RFX2: variants seen among roughly 807,000 people sequenced by gnomAD.
The protein encoded by RFX2 is regulatory factor X2.
In RFX2, 20 loss-of-function variants were observed where a neutral mutation model predicts 87.8. That is an observed-to-expected ratio of 0.23 (90% CI 0.16 to 0.33). The LOEUF (loss-of-function observed/expected upper bound fraction) is 0.33, where lower values mean the gene tolerates loss of function less well. Ranked by LOEUF, RFX2 falls within the 10% of genes least tolerant of loss-of-function variation. The probability of loss-of-function intolerance (pLI) is 1.00; values close to 1 mark genes in which losing one functional copy is unlikely to be tolerated. For missense variants in RFX2, 767 were observed against 1,012.3 expected, an observed-to-expected ratio of 0.76 and a Z score of 3.29; for synonymous variants, 397 against 431.3, an observed-to-expected ratio of 0.92 and a Z score of 0.98.
intron 1 of RFX2, among the ~76,000 whole-genome samples, chr19:6,097,119 G>A (rs936581370): frequency 1.3e-5 from 2 of 152,192 alleles, no homozygotes; most frequent in South Asian, 2.1e-4. Flanking sequence ...GGGTTAGTGG[G>A]GGTGAAGCAG....
At chr19:6,029,180 A>C (rs1261647819) in intron 5 of RFX2, among the ~76,000 whole-genome samples, 1 of 152,068 alleles carries the variant, frequency 6.6e-6, no homozygotes, top group African/African-American at 2.4e-5. Context: ...TGGGGAGAAC[A>C]GAAGAATCCA....
chr19:6,093,745 A>C (rs569620258), intron 1 of RFX2, among the ~76,000 whole-genome samples: 1 of 151,926 alleles, frequency 6.6e-6, no homozygotes, highest in Non-Finnish European at 1.5e-5. Context: ...ACACAAAAAA[A>C]CCCTATTAGT....
intron 9 of RFX2, among the ~76,000 whole-genome samples, chr19:6,009,508 A>G (rs2086633448): frequency 6.6e-6 from 1 of 152,242 alleles, no homozygotes; most frequent in African/African-American, 2.4e-5. Context: ...GCTCCAGGCA[A>G]GAAGGAAGAA....
At chr19:6,059,091 C>T (rs891095775) in intron 1 of RFX2, among the ~76,000 whole-genome samples, 1 of 152,178 alleles carries the variant, frequency 6.6e-6, no homozygotes, top group African/African-American at 2.4e-5. Context: ...GTGACCCTCC[C>T]GCCTTAGCCA....
chr19:6,071,609 T>G (rs1050906096), intron 1 of RFX2, among the ~76,000 whole-genome samples: 2 of 152,224 alleles, frequency 1.3e-5, no homozygotes, highest in Non-Finnish European at 2.9e-5. Context: ...ATTCTATTTC[T>G]GTCCCCATGA....
intron 5 of RFX2, among the ~76,000 whole-genome samples, chr19:6,028,756 C>A (rs773224552): frequency 2.0e-5 from 3 of 151,780 alleles, no homozygotes; most frequent in Non-Finnish European, 4.4e-5. Flanking sequence ...TTCGTCAGAT[C>A]ACTAGCTGAC....
chr19:6,049,756 G>T (rs1342268048), intron 1 of RFX2, among the ~76,000 whole-genome samples: 1 of 152,174 alleles, frequency 6.6e-6, no homozygotes, highest in Non-Finnish European at 1.5e-5. Context: ...TCAAACTCCT[G>T]GCCTCATGTG....
chr19:6,023,755 G>A lies in RFX2; in HGVS notation c.597+2408C>T, dbSNP rs1363444404. Among the ~76,000 whole-genome samples the A allele has an allele frequency of 1.3e-5, 2 of 152,054 alleles. No individual in the cohort carries two copies. Among genetic ancestry groups the A allele is most frequent in the Non-Finnish European group, 2.9e-5 (2 of 68,012 alleles). On this transcript the variant is annotated intron_variant, in intron 6 of 17. Coordinates refer to ENST00000303657, the MANE Select transcript of RFX2 (RefSeq NM_000635.4). The surrounding 1 kb of genome is among the most constrained non-coding windows in gnomAD (Gnocchi z 4.9). ...AGGATCCCAGCAGCCAGAGACAAGCGGCTCATGCATTTTCCCATAGACATT... is the reference window on the plus strand; with the variant it reads ...AGGATCCCAGCAGCCAGAGACAAGCAGCTCATGCATTTTCCCATAGACATT...
chr19:6,021,669 G>A lies in RFX2; in HGVS notation c.597+4494C>T, dbSNP rs375032688. Among the ~76,000 whole-genome samples, 1 of 152,256 alleles carries A rather than the reference G, an allele frequency of 6.6e-6. No individual in the cohort carries two copies. Among genetic ancestry groups the A allele is most frequent in the East Asian group, 1.9e-4 (1 of 5,194 alleles). ...GAGCCTGGTGCATTGGAGGAATAGC[G>A]AGGAGGCCCGTGTGGCTGGAGCACA... On this transcript the variant is annotated intron_variant, in intron 6 of 17. Transcript: ENST00000303657. The surrounding 1 kb of genome is among the most constrained non-coding windows in gnomAD (Gnocchi z 5.7).
rs751939111 is a variant in RFX2 at position 6,016,296 on chromosome 19, G to A, written c.598-25C>T. ...GCTGTAAAAAGAAAGACACGTCTGC[G>A]TTTGTCAGAAGCCTGAGGAACGCTA... is the stretch of plus-strand genomic sequence containing the variant. On this transcript the variant is annotated intron_variant, in intron 6 of 17. Transcript: ENST00000303657. The surrounding 1 kb of genome is among the most constrained non-coding windows in gnomAD (Gnocchi z 5.4). The A allele has an allele frequency of 1.7e-5, 26 of 1,568,014 alleles. No homozygotes were observed. Among genetic ancestry groups the A allele is most frequent in the African/African-American group, 1.1e-4 (8 of 73,506 alleles).
rs571514610 is a variant in RFX2 at position 6,039,073 on chromosome 19, G to A, written c.522+907C>T. ...CCCCAAACTGGAAACCATCCAAATG[G>A]CCCTCAACTAGTGAATGAATAAACA... On this transcript the variant is annotated intron_variant, in intron 5 of 17. Coordinates refer to ENST00000303657, the MANE Select transcript of RFX2 (RefSeq NM_000635.4). This position sits in a 1 kb window ranked among gnomAD's most constrained non-coding sequence, Gnocchi z 5.2. Among the ~76,000 whole-genome samples, 1 of 152,054 alleles carries A rather than the reference G, an allele frequency of 6.6e-6. No homozygotes were observed. Among genetic ancestry groups the A allele is most frequent in the Non-Finnish European group, 1.5e-5 (1 of 68,020 alleles).
At chr19:6,042,516 T>C (rs537529668) in intron 3 of RFX2, among the ~76,000 whole-genome samples, 11 of 152,230 alleles carry the variant, frequency 7.2e-5, no homozygotes, top group African/African-American at 2.4e-4. Flanking sequence ...TTTGTTTGTT[T>C]GTTTGTTTTT....
chr19:6,017,030 T>C lies in RFX2; in HGVS notation c.598-759A>G, dbSNP rs765213480. On this transcript the variant is annotated intron_variant, in intron 6 of 17. Coordinates refer to ENST00000303657, the MANE Select transcript of RFX2 (RefSeq NM_000635.4). The surrounding 1 kb of genome is among the most constrained non-coding windows in gnomAD (Gnocchi z 4.1). ...AGCTAACATGTACTGAGATCCCTTATTGAGGGAGGTACAAATGGAAATTCA... is the reference window on the plus strand; with the variant it reads ...AGCTAACATGTACTGAGATCCCTTACTGAGGGAGGTACAAATGGAAATTCA... 2.0e-5 allele frequency among the ~76,000 whole-genome samples: 3 copies of C among 152,068 alleles called. No individual in the cohort carries two copies. Among genetic ancestry groups the C allele is most frequent in the Admixed American group, 6.6e-5 (1 of 15,262 alleles).
Position 6,017,970 on chromosome 19 carries a change from C to T in RFX2, c.598-1699G>A, listed in dbSNP as rs1325464751. On this transcript the variant is annotated intron_variant, in intron 6 of 17. Transcript: ENST00000303657. The surrounding 1 kb of genome is among the most constrained non-coding windows in gnomAD (Gnocchi z 4.1). ...AGCTGGGGAGGAAGAAAGCATTCAT[C>T]TCCCTTTAATTATTTATTTATTGAA... Among the ~76,000 whole-genome samples the T allele has an allele frequency of 1.4e-5, 2 of 146,572 alleles. No individual in the cohort carries two copies.
In RFX2 at chr19:6,021,268, C is replaced by T. The variant is rs768265176; in HGVS notation, c.597+4895G>A. 3.3e-5 allele frequency among the ~76,000 whole-genome samples: 5 copies of T among 152,172 alleles called. No individual in the cohort carries two copies. The highest frequency in any genetic ancestry group is 4.4e-5 in the Non-Finnish European group (3 of 68,048). Reference sequence around the variant, plus strand: ...TTTTCACCCATTCCACAAATATTTACGAGAGCTGGCTCTATGCCAGGCCTT... The same window carrying T: ...TTTTCACCCATTCCACAAATATTTATGAGAGCTGGCTCTATGCCAGGCCTT... On this transcript the variant is annotated intron_variant, in intron 6 of 17. Transcript: ENST00000303657. This position sits in a 1 kb window ranked among gnomAD's most constrained non-coding sequence, Gnocchi z 5.7.
At chr19:6,042,525 T>G (rs694758) in intron 3 of RFX2, among the ~76,000 whole-genome samples, 2,163 of 152,240 alleles carry the variant, frequency 0.014, 38 homozygotes, top group African/African-American at 0.048. Flanking sequence ...TTGTTTGTTT[T>G]TTTGCGACAG....
rs147877773 is a variant in RFX2, at chr19:6,019,512, ATGTG to A, written c.598-3245_598-3242del. On this transcript the variant is annotated intron_variant, in intron 6 of 17. Transcript: ENST00000303657. The stretch of plus-strand genomic sequence containing the variant: ...TTGATGTTGAAGTTAGTGTGTGAGT[ATGTG>A]TGTGTGTGTGTGTGTGTGTGTGTGT... Among the ~76,000 whole-genome samples the A allele has an allele frequency of 7.1e-3, 896 of 126,990 alleles. 6 individuals carry two copies. The highest frequency in any genetic ancestry group is 0.025 in the African/African-American group (790 of 31,554). The allele number at this position is 126,990 out of a possible 152,430, so 83.3% of individuals were successfully genotyped here. A position where few individuals can be genotyped will look rare whatever the true frequency, so the allele number is the denominator to read the frequency against.
chr19:6,016,134 G>A lies in RFX2; in HGVS notation c.735C>T (p.Ile245=). Residue 245 remains isoleucine, a synonymous_variant, in exon 7 of 18, where the codon ATC becomes ATT. Coordinates refer to ENST00000303657, the MANE Select transcript of RFX2 (RefSeq NM_000635.4). The surrounding 1 kb of genome is among the most constrained non-coding windows in gnomAD (Gnocchi z 5.4). ...TTCTCAGCCCCATAAACACAGAACG[G>A]ATCAGTTTCCCGAAGGAGGCGGCGT... The part of the protein sequence containing the change: ...PVNAASFGKL[I]RSVFMGLRTR... 1 of 1,614,036 alleles carries A rather than the reference G, an allele frequency of 6.2e-7. No individual in the cohort carries two copies. The highest frequency in any genetic ancestry group is 1.7e-5 in the Admixed American group (1 of 60,024).
In RFX2 at chr19:6,011,163, T is replaced by TAA. The variant is rs2086655206; in HGVS notation, c.900-914_900-913dup. Among the ~76,000 whole-genome samples the TAA allele has an allele frequency of 6.6e-6, 1 of 151,910 alleles. No individual in the cohort carries two copies. Among genetic ancestry groups the TAA allele is most frequent in the African/African-American group, 2.4e-5 (1 of 41,342 alleles). ...TAAAATAAAATAAAATAAAATAAAA[T>TAA]AAAAGGGAGATTCTTTGCGTGAATC... On this transcript the variant is annotated intron_variant, in intron 8 of 17. Coordinates refer to ENST00000303657, the MANE Select transcript of RFX2 (RefSeq NM_000635.4). This position sits in a 1 kb window ranked among gnomAD's most constrained non-coding sequence, Gnocchi z 4.8.
Sources: allele counts gnomAD v4.1 joint callset (sites outside exome capture counted in the v4.1 genomes callset), GRCh38; gene constraint gnomAD v4.1.1; non-coding constraint Gnocchi (gnomAD v3.1); transcripts MANE v1.5; gene names NCBI Gene and HGNC (gene_info 2026-07-23, HGNC 2026-07-21).